Variants in LMAN2 observed in about 807,000 individuals in gnomAD.
The protein encoded by LMAN2 is lectin, mannose binding 2, also known as vesicular integral-membrane protein VIP36.
LMAN2 carries 22 observed loss-of-function variants against 39.3 expected under a neutral mutation model. The ratio of observed to expected loss-of-function variants is 0.56; its 90% CI spans 0.40 to 0.80. LMAN2 has a LOEUF of 0.80. Ranked by LOEUF, LMAN2 falls within the 30% of genes least tolerant of loss-of-function variation. The pLI is 0.00. For synonymous variants in LMAN2, 207 were observed against 207.8 expected, an observed-to-expected ratio of 1.00 and a Z score of 0.03; for missense variants, 494 against 505.4, an observed-to-expected ratio of 0.98 and a Z score of 0.22.
intron 2 of LMAN2, 114 bp from the exon 3 acceptor site, chr5:177,338,719 C>T (rs1431263530): frequency 8.5e-6 from 7 of 825,704 alleles, no homozygotes; most frequent in South Asian, 1.4e-5. Flanking sequence ...CCAGCTAAGA[C>T]TGGGCACTCC....
intron 2 of LMAN2, among the ~76,000 whole-genome samples, chr5:177,350,487 C>T (rs1187213453): frequency 6.6e-6 from 1 of 152,222 alleles, no homozygotes; most frequent in East Asian, 1.9e-4. Context: ...AGGTCACAGA[C>T]ACTAGAACTG....
intron 2 of LMAN2, among the ~76,000 whole-genome samples, chr5:177,347,331 T>C (rs1761650819): frequency 6.6e-6 from 1 of 152,100 alleles, no homozygotes; most frequent in Non-Finnish European, 1.5e-5. Context: ...ACGGGGAGGC[T>C]GGTTTCAGGA....
intron 2 of LMAN2, among the ~76,000 whole-genome samples, chr5:177,339,554 G>A (rs149525789): frequency 2.1e-4 from 32 of 152,332 alleles, no homozygotes; most frequent in African/African-American, 7.5e-4. Context: ...ACGGTGACAA[G>A]AATCCACTTT....
rs889491543 is a variant in LMAN2, at chr5:177,331,893, G to T, written c.*193C>A. 1.0e-5 allele frequency: 6 copies of T among 587,014 alleles called. No homozygotes were observed. Among genetic ancestry groups the T allele is most frequent in the Non-Finnish European group, 1.7e-5 (6 of 350,432 alleles). 36.4% of individuals were successfully genotyped at this position (587,014 alleles called of 1,614,324 possible). On this transcript the variant is annotated 3_prime_UTR_variant, in exon 8 of 8. Transcript: ENST00000303127. ...AGAGCCTCCGTCTCCAGCTGTGGGGGGTGCCAGACCCTAAGCCTCGGCTCT... is the reference window on the plus strand; with the variant it reads ...AGAGCCTCCGTCTCCAGCTGTGGGGTGTGCCAGACCCTAAGCCTCGGCTCT...
chr5:177,350,014 G>A (rs1004219688), intron 2 of LMAN2, among the ~76,000 whole-genome samples: 9 of 152,218 alleles, frequency 5.9e-5, no homozygotes, highest in African/African-American at 2.2e-4. Context: ...AATGACTGGA[G>A]ATGCACAAGG....
rs952846871 is a variant in LMAN2, at chr5:177,332,864, A to T, written c.911-618T>A. ...CCCAAGCTCTCCAGGCTGTGGGTGG[A>T]GGAGCTGGGGTCTGGCTGGGCCCTG... On this transcript the variant is annotated intron_variant, in intron 7 of 7. Transcript: ENST00000303127. This position sits in a 1 kb window ranked among gnomAD's most constrained non-coding sequence, Gnocchi z 6.3. Among the ~76,000 whole-genome samples, 1 of 152,088 alleles carries T rather than the reference A, an allele frequency of 6.6e-6. No homozygotes were observed. The highest frequency in any genetic ancestry group is 1.5e-5 in the Non-Finnish European group (1 of 68,010).
At chr5:177,336,869 A>C in intron 6 of LMAN2, 7 of 530,796 alleles carry the variant, frequency 1.3e-5, no homozygotes, top group Middle Eastern at 5.2e-4. Flanking sequence ...AGGAGGAGGA[A>C]CACAGCCAGG....
chr5:177,338,346 C>CACCTAACTTTCCTA lies in LMAN2; in HGVS notation c.433+141_433+142insTAGGAAAGTTAGGT, dbSNP rs1427930388. 4.5e-6 allele frequency: 3 copies of CACCTAACTTTCCTA among 665,440 alleles called. No individual in the cohort carries two copies. The African/African-American group carries it at 5.4e-5, about 12-fold the overall frequency. The allele number at this position is 665,440 out of a possible 1,614,324, so 41.2% of individuals were successfully genotyped here. A position where few individuals can be genotyped will look rare whatever the true frequency, so the allele number is the denominator to read the frequency against. On this transcript the variant is annotated intron_variant, in intron 3 of 7. Transcript: ENST00000303127. ...CCTTCCGGAGGCGCAGGACTTTATCCACGGGAGGCAGCACTTTCCTAACAG... is the reference window on the plus strand; with the variant it reads ...CCTTCCGGAGGCGCAGGACTTTATCCACCTAACTTTCCTAACGGGAGGCAGCACTTTCCTAACAG...
rs1481469475 is a variant in LMAN2, at chr5:177,337,504, C to T, written c.534G>A (p.Ser178=). ...ETTERVFPYI[S]VMVNNGSLSY... Reference sequence around the variant, plus strand: ...ACAGGGAGCCATTGTTCACCATCACCGAGATGTACGGGAACACGCGCTGGG... The same window carrying T: ...ACAGGGAGCCATTGTTCACCATCACTGAGATGTACGGGAACACGCGCTGGG... The change falls in exon 5 of 8, where the codon TCG becomes TCA. Residue 178 remains serine (S), a synonymous_variant. Transcript: ENST00000303127. The surrounding 1 kb of genome is among the most constrained non-coding windows in gnomAD (Gnocchi z 8.2). 6.2e-6 allele frequency: 10 copies of T among 1,614,104 alleles called. No individual in the cohort carries two copies. Among genetic ancestry groups the T allele is most frequent in the African/African-American group, 2.7e-5 (2 of 75,056 alleles).
At position 177,351,449 on chromosome 5, in the gene LMAN2, C is replaced by T; in HGVS notation, c.196+3G>A. The T allele has an allele frequency of 1.3e-5, 21 of 1,611,806 alleles. No homozygotes were observed. The highest frequency in any genetic ancestry group is 1.8e-5 in the Non-Finnish European group (21 of 1,178,688). ...TCACTCATTCCCGCCCCAAGGGCTT[C>T]ACCTTGGTAGGGCTTAATGAGCGAA... On this transcript the variant is annotated splice_donor_region_variant and intron_variant, in intron 1 of 7. Coordinates refer to ENST00000303127, the MANE Select transcript of LMAN2 (RefSeq NM_006816.3).
chr5:177,332,202 T>C lies in LMAN2; in HGVS notation c.955A>G (p.Thr319Ala). 6.2e-7 allele frequency: 1 copy of C among 1,613,212 alleles called. No individual in the cohort carries two copies. The highest frequency in any genetic ancestry group is 1.7e-4 in the Middle Eastern group (1 of 6,040). ...AGCAGCAGGAACACCCGCCACCCCG[T>C]CAGGGGCCCGCTGCGGAAGTTCCCC... is the stretch of plus-strand genomic sequence containing the variant. ...PTGNFRSGPL[T>A]GWRVFLLLLC... The change falls in exon 8 of 8, where the codon ACG becomes GCG. Residue 319 changes from threonine to alanine, a missense_variant. Thr to Ala is a moderately conservative substitution (Grantham distance 58). Coordinates refer to ENST00000303127, the MANE Select transcript of LMAN2 (RefSeq NM_006816.3). This position sits in a 1 kb window ranked among gnomAD's most constrained non-coding sequence, Gnocchi z 6.3.
Position 177,334,221 on chromosome 5 carries a change from G to A in LMAN2, c.910+63C>T. On this transcript the variant is annotated intron_variant, in intron 7 of 7. Transcript: ENST00000303127. ...ACTGGACCACAAGACCCGCCAGGCTGGCTTCACCCCATTCTGGGTCAGGCC... is the reference window on the plus strand; with the variant it reads ...ACTGGACCACAAGACCCGCCAGGCTAGCTTCACCCCATTCTGGGTCAGGCC... 7.8e-6 allele frequency: 12 copies of A among 1,548,222 alleles called. No individual in the cohort carries two copies. The South Asian group carries it at 1.3e-4, about 17-fold the overall frequency.
intron 2 of LMAN2, 51 bp downstream of exon 2, chr5:177,351,122 G>A: frequency 6.5e-7 from 1 of 1,530,146 alleles, no homozygotes; most frequent in Non-Finnish European, 9.1e-7. Context: ...TCGGGAGGCA[G>A]GGACTAGCAG....
At chr5:177,341,174 C>A (rs1761549211) in intron 2 of LMAN2, among the ~76,000 whole-genome samples, 1 of 149,700 alleles carries the variant, frequency 6.7e-6, no homozygotes, top group East Asian at 2.0e-4. Context: ...TCAAGCGATT[C>A]TCCTGCCTCA....
At chr5:177,334,447 G>A (rs764077528) in intron 6 of LMAN2, 44 bp from the exon 7 acceptor site, 55 of 1,585,504 alleles carry the variant, frequency 3.5e-5, no homozygotes, top group South Asian at 2.5e-4. Context: ...CAGGCCAGCC[G>A]CAGGGCACGT....
Position 177,332,285 on chromosome 5 carries a change from GGGC to G in LMAN2, c.911-42_911-40del, listed in dbSNP as rs746466133. The G allele has an allele frequency of 6.3e-7, 1 of 1,595,620 alleles. No individual in the cohort carries two copies. The highest frequency in any genetic ancestry group is 2.2e-5 in the East Asian group (1 of 44,496). On this transcript the variant is annotated intron_variant, in intron 7 of 7. Transcript: ENST00000303127. The surrounding 1 kb of genome is among the most constrained non-coding windows in gnomAD (Gnocchi z 6.3). ...AACGGGGGAGCTGAAACGGCAGCAC[GGGC>G]CGGGGATCAGGGGGCTGCAGGAGGG...
intron 2 of LMAN2, chr5:177,346,274 C>T (rs139407938): frequency 8.2e-4 from 219 of 266,918 alleles, no homozygotes; most frequent in African/African-American, 4.5e-3. Context: ...ACAAGAAAAA[C>T]TCCTTGTGAA....
intron 2 of LMAN2, among the ~76,000 whole-genome samples, chr5:177,346,871 A>G (rs1739491547): frequency 6.6e-6 from 1 of 152,162 alleles, no homozygotes; most frequent in East Asian, 1.9e-4. Context: ...ACATGAGGAA[A>G]GCTAGAGAAG....
rs543625980 is a variant in LMAN2 at position 177,332,662 on chromosome 5, C to T, written c.911-416G>A. 6.6e-6 allele frequency among the ~76,000 whole-genome samples: 1 copy of T among 152,154 alleles called. No individual in the cohort carries two copies. The highest frequency in any genetic ancestry group is 2.4e-5 in the African/African-American group (1 of 41,438). On this transcript the variant is annotated intron_variant, in intron 7 of 7. Transcript: ENST00000303127. This position sits in a 1 kb window ranked among gnomAD's most constrained non-coding sequence, Gnocchi z 6.3. Reference sequence around the variant, plus strand: ...CGGCCCTGGTCACAGGCTCTCCCAGCCCACAGCTGGATGCTCTCGGCAGCC... The same window carrying T: ...CGGCCCTGGTCACAGGCTCTCCCAGTCCACAGCTGGATGCTCTCGGCAGCC...
Sources: gnomAD v4.1 joint callset for allele counts (sites outside exome capture counted in the v4.1 genomes callset) on GRCh38, gnomAD v4.1.1 for gene constraint, Gnocchi (gnomAD v3.1) non-coding constraint, MANE v1.5 for transcripts, NCBI Gene and HGNC (gene_info 2026-07-23, HGNC 2026-07-21) for gene names.